Variants in CENPX observed in about 807,000 individuals in gnomAD.
CENPX encodes the protein centromere protein X.
CENPX carries 13 observed loss-of-function variants against 13.2 expected under a neutral mutation model. The ratio of observed to expected loss-of-function variants is 0.98; its 90% CI spans 0.64 to 1.56. The LOEUF (loss-of-function observed/expected upper bound fraction) is 1.56, where lower values mean the gene tolerates loss of function less well. CENPX is among the 40% of genes most tolerant of loss of function. CENPX has a pLI of 0.00. For synonymous variants in CENPX, 66 were observed against 47.2 expected (o/e 1.40, Z -1.63); for missense variants, 138 against 107.5 (o/e 1.28, Z -1.26).
chr17:82,019,912 A>G lies in CENPX; in HGVS notation c.37-3T>C. On this transcript the variant is annotated splice_polypyrimidine_tract_variant and splice_region_variant and intron_variant, in intron 1 of 4. Coordinates refer to ENST00000392359, the MANE Select transcript of CENPX (RefSeq NM_001271006.2). ...TGCAGCAGCCTGCTCACCAGCTCCT[A>G]GAAGGGAGGGGGGTGTCAGCGCCAC... 2 of 1,588,508 alleles carry G rather than the reference A, an allele frequency of 1.3e-6. No individual in the cohort carries two copies. The highest frequency in any genetic ancestry group is 3.4e-5 in the Admixed American group (2 of 58,886).
At chr17:82,022,686 C>T (rs1325246150) in intron 1 of CENPX, 140 bp downstream of exon 1, 2 of 1,015,130 alleles carry the variant, frequency 2.0e-6, no homozygotes, top group African/African-American at 1.7e-5. Flanking sequence ...GCGGCCCGGC[C>T]GGAGATGGAG....
chr17:82,021,186 G>A (rs1032910257), intron 1 of CENPX, among the ~76,000 whole-genome samples: 1 of 152,236 alleles, frequency 6.6e-6, no homozygotes, highest in South Asian at 2.1e-4. Context: ...GATGCAGATG[G>A]TGAAGAATGT....
chr17:82,020,378 C>T (rs776762654), intron 1 of CENPX, among the ~76,000 whole-genome samples: 18 of 152,322 alleles, frequency 1.2e-4, no homozygotes, highest in Middle Eastern at 6.8e-3. Flanking sequence ...GGGAGTGCCA[C>T]CAGTAGGGCC....
intron 2 of CENPX, 30 bp downstream of exon 2, chr17:82,019,828 C>A: frequency 6.3e-7 from 1 of 1,598,980 alleles, no homozygotes; most frequent in Non-Finnish European, 8.5e-7. Flanking sequence ...GACACGGGGA[C>A]CCACCTCCCG....
chr17:82,019,797 A>C, intron 2 of CENPX, 61 bp downstream of exon 2: 1 of 1,576,716 alleles, frequency 6.3e-7, no homozygotes, highest in South Asian at 1.2e-5. Flanking sequence ...GCAGAGTTGC[A>C]GGAAAGGGTC....
At chr17:82,019,557 G>C in intron 3 of CENPX, 84 bp downstream of exon 3, 2 of 1,547,502 alleles carry the variant, frequency 1.3e-6, no homozygotes, top group Non-Finnish European at 1.7e-6. Context: ...TGTGGGAAAC[G>C]GGAAAACACG....
intron 1 of CENPX, among the ~76,000 whole-genome samples, chr17:82,020,660 C>T (rs531170674): frequency 2.7e-5 from 4 of 150,002 alleles, no homozygotes; most frequent in East Asian, 4.0e-4. Context: ...CTGCCATGCC[C>T]GGGGTGGGGG....
intron 1 of CENPX, among the ~76,000 whole-genome samples, chr17:82,021,820 A>G (rs1436348957): frequency 1.3e-5 from 2 of 152,220 alleles, no homozygotes; most frequent in Non-Finnish European, 2.9e-5. Flanking sequence ...CCCAAGCCTC[A>G]GTGACTTTCT....
At chr17:82,020,077 G>A (rs1390880568) in intron 1 of CENPX, among the ~76,000 whole-genome samples, 168 bp from the exon 2 acceptor site, 1 of 152,226 alleles carries the variant, frequency 6.6e-6, no homozygotes, top group African/African-American at 2.4e-5. Context: ...TCGGGTGGCA[G>A]AAGCTGAAGC....
Position 82,019,159 on chromosome 17 carries a change from G to A in CENPX, c.*46C>T. ...CTGGAAACACAAGGCCTGCTTCTGT[G>A]GACCAGGGGCTCCTCTGGGGGTGGC... On this transcript the variant is annotated 3_prime_UTR_variant, in exon 5 of 5. Transcript: ENST00000392359. 6.6e-7 allele frequency: 1 copy of A among 1,515,308 alleles called. No homozygotes were observed. Among genetic ancestry groups the A allele is most frequent in the Non-Finnish European group, 8.8e-7 (1 of 1,130,878 alleles). 93.9% of individuals were successfully genotyped at this position (1,515,308 alleles called of 1,614,324 possible).
intron 3 of CENPX, 101 bp downstream of exon 3, chr17:82,019,540 A>C: frequency 6.5e-7 from 1 of 1,544,126 alleles, no homozygotes; most frequent in East Asian, 2.4e-5. Context: ...ACCCAAGTTT[A>C]GGCCCTTGTG....
At chr17:82,019,545 C>T (rs1197147866) in intron 3 of CENPX, 96 bp downstream of exon 3, 7 of 1,545,854 alleles carry the variant, frequency 4.5e-6, no homozygotes, top group African/African-American at 1.4e-5. Flanking sequence ...AGTTTAGGCC[C>T]TTGTGGGAAA....
chr17:82,019,553 A>G, intron 3 of CENPX, 88 bp downstream of exon 3: 1 of 1,547,066 alleles, frequency 6.5e-7, no homozygotes, highest in Non-Finnish European at 8.7e-7. Context: ...CCCTTGTGGG[A>G]AACGGGAAAA....
rs1309592968 is a variant in CENPX, at chr17:82,019,209, A to G, written c.242T>C (p.Phe81Ser). 2 of 1,580,822 alleles carry G rather than the reference A, an allele frequency of 1.3e-6. No individual in the cohort carries two copies. Among genetic ancestry groups the G allele is most frequent in the Admixed American group, 3.5e-5 (2 of 57,890 alleles). The stretch of plus-strand genomic sequence containing the variant: ...CCTCAGCCACGGCTGAGATCCCTAG[A>G]AGTCCAGGAGCTGTGGGGAAGAGAA... ...EKVLPQLLLD[F>S] Residue 81 changes from phenylalanine to serine, a missense_variant, in exon 5 of 5, where the codon TTC (phenylalanine) becomes TCC (serine). Transcript: ENST00000392359.
chr17:82,021,633 C>T (rs756562319), intron 1 of CENPX, among the ~76,000 whole-genome samples: 12 of 152,234 alleles, frequency 7.9e-5, no homozygotes, highest in Non-Finnish European at 1.6e-4. Flanking sequence ...GTCATTCTCA[C>T]GCTCATTCTC....
At chr17:82,020,239 G>C (rs1386941001) in intron 1 of CENPX, among the ~76,000 whole-genome samples, 1 of 152,248 alleles carries the variant, frequency 6.6e-6, no homozygotes. Context: ...GTCGAGTCCG[G>C]CCTAATCTTG....
In CENPX at chr17:82,019,341, G is replaced by A. The variant is rs780858117; in HGVS notation, c.183C>T (p.Asp61=). The A allele has an allele frequency of 8.2e-6, 13 of 1,577,488 alleles. No homozygotes were observed. The highest frequency in any genetic ancestry group is 4.6e-5 in the East Asian group (2 of 43,588). ...GCTGGTCCACGTCCACACGGAGCGCGTCTTCTGCCTGGGCCTGCCGCACGC... is the reference window on the plus strand; with the variant it reads ...GCTGGTCCACGTCCACACGGAGCGCATCTTCTGCCTGGGCCTGCCGCACGC... The part of the protein sequence containing the change: ...VRGVRQAQAE[D]ALRVDVDQLE... The change falls in exon 4 of 5, where the codon GAC becomes GAT. Residue 61 remains aspartate, a synonymous_variant. Coordinates refer to ENST00000392359, the MANE Select transcript of CENPX (RefSeq NM_001271006.2).
At position 82,019,092 on chromosome 17, in the gene CENPX, T is replaced by A; in HGVS notation, c.*113A>T. The A allele has an allele frequency of 7.0e-7, 1 of 1,419,090 alleles. No homozygotes were observed. The allele number at this position is 1,419,090 out of a possible 1,614,324, so 87.9% of individuals were successfully genotyped here. A position where few individuals can be genotyped will look rare whatever the true frequency, so the allele number is the denominator to read the frequency against. Reference sequence around the variant, plus strand: ...TCCCAGAGATCTTGTTTGAATCAACTCCAAATCCTTCAGGTCCTTCCCTGC... The same window carrying A: ...TCCCAGAGATCTTGTTTGAATCAACACCAAATCCTTCAGGTCCTTCCCTGC... On this transcript the variant is annotated 3_prime_UTR_variant, in exon 5 of 5. Coordinates refer to ENST00000392359, the MANE Select transcript of CENPX (RefSeq NM_001271006.2).
rs1424223193 is a variant in CENPX, at chr17:82,019,102, TC to T, written c.*102del. Reference sequence around the variant, plus strand: ...CTTGTTTGAATCAACTCCAAATCCTTCAGGTCCTTCCCTGCCTCTTATCAGA... The same window carrying T: ...CTTGTTTGAATCAACTCCAAATCCTTAGGTCCTTCCCTGCCTCTTATCAGA... On this transcript the variant is annotated 3_prime_UTR_variant, in exon 5 of 5. Coordinates refer to ENST00000392359, the MANE Select transcript of CENPX (RefSeq NM_001271006.2). The T allele has an allele frequency of 3.5e-6, 5 of 1,445,230 alleles. No individual in the cohort carries two copies. The Admixed American group carries it at 8.4e-5, about 24-fold the overall frequency. The allele number at this position is 1,445,230 out of a possible 1,614,324, so 89.5% of individuals were successfully genotyped here.
Sources: allele counts gnomAD v4.1 joint callset (sites outside exome capture counted in the v4.1 genomes callset), GRCh38; gene constraint gnomAD v4.1.1; transcripts MANE v1.5; gene names NCBI Gene and HGNC (gene_info 2026-07-23, HGNC 2026-07-21).